Variants in ZNF74 observed in about 807,000 individuals in gnomAD.
ZNF74 encodes the protein zinc finger protein 520.
Under a neutral mutation model 17.7 loss-of-function variants are expected in ZNF74, and 12 were observed. The ratio of observed to expected loss-of-function variants is 0.68; its 90% confidence interval spans 0.43 to 1.10. The LOEUF is 1.10. ZNF74 is among the 50% of genes least tolerant of loss of function. The pLI is 0.00. For synonymous variants in ZNF74, 358 were observed against 362.1 expected (o/e 0.99, Z 0.13); for missense variants, 811 against 881.0 (o/e 0.92, Z 1.01).
At chr22:20,402,160 G>A (rs575807775) in intron 4 of ZNF74, among the ~76,000 whole-genome samples, 16 of 152,274 alleles carry the variant, frequency 1.1e-4, no homozygotes, top group East Asian at 5.8e-4. Context: ...AAAGGCAGCC[G>A]ATAAGCTGTG....
At chr22:20,394,795 T>C in intron 1 of ZNF74, 133 bp downstream of exon 1, 1 of 865,242 alleles carries the variant, frequency 1.2e-6, no homozygotes, top group Non-Finnish European at 1.8e-6. Context: ...TCTCACTCTG[T>C]CACCCAGGCG....
intron 3 of ZNF74, 119 bp downstream of exon 3, chr22:20,400,877 C>A: frequency 1.5e-6 from 2 of 1,300,772 alleles, no homozygotes; most frequent in Non-Finnish European, 1.1e-6. Flanking sequence ...GGGTGGGAAG[C>A]AAGGCCTGTG....
rs565895761 is a variant in ZNF74 at position 20,394,327 on chromosome 22, G to C, written c.-302G>C. 5.9e-5 allele frequency: 41 copies of C among 697,140 alleles called. No homozygotes were observed. The highest frequency in any genetic ancestry group is 2.6e-4 in the Middle Eastern group (1 of 3,874). The allele number at this position is 697,140 out of a possible 1,614,324, so 43.2% of individuals were successfully genotyped here. On this transcript the variant is annotated 5_prime_UTR_variant, in exon 1 of 5. Coordinates refer to ENST00000400451, the MANE Select transcript of ZNF74 (RefSeq NM_003426.4). ...AACCTTAGGCCTGGCCCTGGTCTCCGAGCGCGGGTTCGCCGGGAGGAGCGT... is the reference window on the plus strand; with the variant it reads ...AACCTTAGGCCTGGCCCTGGTCTCCCAGCGCGGGTTCGCCGGGAGGAGCGT...
In ZNF74 at chr22:20,406,753, C is replaced by G; in HGVS notation, c.1720C>G (p.His574Asp). ...CAACTGGAGCTCGCACCTCACTGAG[C>G]ACCAGAGGCTGCACAGCGAGGGGAA... ...MFNWSSHLTEHQRLHSEGKPL... is the reference protein window; with the variant it reads ...MFNWSSHLTEDQRLHSEGKPL... The change falls in exon 5 of 5, where the codon CAC becomes GAC. Residue 574 changes from histidine to aspartate, a missense_variant. His to Asp is a moderately conservative substitution (Grantham distance 81, BLOSUM62 -1). Around this residue, in one of 3 missense-constraint regions of ZNF74, gnomAD observed 115 missense variants for 119.5 expected, o/e 0.96. Transcript: ENST00000400451. 3.1e-6 allele frequency: 5 copies of G among 1,614,154 alleles called. No homozygotes were observed. Among genetic ancestry groups the G allele is most frequent in the Non-Finnish European group, 4.2e-6 (5 of 1,180,036 alleles).
chr22:20,405,760 G>C lies in ZNF74; in HGVS notation c.727G>C (p.Ala243Pro), dbSNP rs1339148485. The part of the protein sequence containing the change: ...PQVRRQRGAG[A>P]GEGEFVCGEC... ...GGTGCGCCGGCAGCGCGGGGCGGGCGCCGGGGAGGGCGAGTTCGTGTGCGG... is the reference window on the plus strand; with the variant it reads ...GGTGCGCCGGCAGCGCGGGGCGGGCCCCGGGGAGGGCGAGTTCGTGTGCGG... The change falls in exon 5 of 5, where the codon GCC becomes CCC. Residue 243 changes from alanine (A) to proline (P), a missense_variant. Ala to Pro is a conservative substitution (Grantham distance 27). Around this residue, in one of 3 missense-constraint regions of ZNF74, gnomAD observed 666 missense variants for 702.3 expected, o/e 0.95. Coordinates refer to ENST00000400451, the MANE Select transcript of ZNF74 (RefSeq NM_003426.4). 2 of 1,605,828 alleles carry C rather than the reference G, an allele frequency of 1.2e-6. No individual in the cohort carries two copies. The highest frequency in any genetic ancestry group is 2.7e-5 in the African/African-American group (2 of 74,834).
At chr22:20,399,553 T>G in intron 2 of ZNF74, 1 of 400,578 alleles carries the variant, frequency 2.5e-6, no homozygotes, top group Non-Finnish European at 4.8e-6. Flanking sequence ...ATTATTAATA[T>G]GGTTGGATTT....
chr22:20,406,107 G>C lies in ZNF74; in HGVS notation c.1074G>C (p.Lys358Asn). The change falls in exon 5 of 5, where the codon AAG (lysine) becomes AAC (asparagine). Residue 358 changes from lysine (K) to asparagine (N), a missense_variant. This residue lies in a region of ZNF74 where 666 missense variants were observed against 702.3 expected (regional missense o/e 0.95). Coordinates refer to ENST00000400451, the MANE Select transcript of ZNF74 (RefSeq NM_003426.4). ...ACCTGCGGGTGCACACCGGCGAGAA[G>C]CCCTACCGGTGCGGCGAGTGCGGCA... is the stretch of plus-strand genomic sequence containing the variant. ...SMHLRVHTGE[K>N]PYRCGECGKA... 1 of 1,613,170 alleles carries C rather than the reference G, an allele frequency of 6.2e-7. No homozygotes were observed.
intron 2 of ZNF74, among the ~76,000 whole-genome samples, chr22:20,397,111 C>G (rs999430149): frequency 1.3e-5 from 2 of 150,160 alleles, no homozygotes; most frequent in African/African-American, 4.9e-5. Context: ...GAGTCTTGCT[C>G]TGTCGCCCAG....
At chr22:20,400,608 G>T (rs764702694) in intron 2 of ZNF74, 24 bp from the exon 3 acceptor site, 1 of 1,614,060 alleles carries the variant, frequency 6.2e-7, no homozygotes, top group East Asian at 2.2e-5. Context: ...TCAGTCCTGG[G>T]TGAGAACCTA....
intron 2 of ZNF74, among the ~76,000 whole-genome samples, chr22:20,396,057 G>C (rs929122633): frequency 5.9e-5 from 9 of 151,942 alleles, no homozygotes; most frequent in Non-Finnish European, 1.0e-4. Context: ...TCCTCATTTT[G>C]TTTTTCTACC....
chr22:20,395,304 G>A, intron 1 of ZNF74, 29 bp from the exon 2 acceptor site: 6 of 1,548,608 alleles, frequency 3.9e-6, no homozygotes, highest in Non-Finnish European at 4.4e-6. Context: ...CCTGGTAGCC[G>A]TGACCTTGAC....
In ZNF74 at chr22:20,405,667, A is replaced by G; in HGVS notation, c.634A>G (p.Lys212Glu). ...CGTCCAGGCCACTGAGGGCAGAACC[A>G]AGGCCCCCGCGAGACTGTGTGCAGG... is the stretch of plus-strand genomic sequence containing the variant. ...KNVQATEGRTKAPARLCAGEN... is the reference protein window; with the variant it reads ...KNVQATEGRTEAPARLCAGEN... The change falls in exon 5 of 5, where the codon AAG (lysine) becomes GAG (glutamate). Residue 212 changes from lysine (K) to glutamate (E), a missense_variant. Lys to Glu is a moderately conservative substitution (Grantham distance 56). Around this residue, in one of 3 missense-constraint regions of ZNF74, gnomAD observed 666 missense variants for 702.3 expected, o/e 0.95. Coordinates refer to ENST00000400451, the MANE Select transcript of ZNF74 (RefSeq NM_003426.4). 1 of 1,611,856 alleles carries G rather than the reference A, an allele frequency of 6.2e-7. No individual in the cohort carries two copies. Among genetic ancestry groups the G allele is most frequent in the South Asian group, 1.1e-5 (1 of 90,838 alleles).
rs1422892037 is a variant in ZNF74 at position 20,401,465 on chromosome 22, G to A, written c.343+93G>A. On this transcript the variant is annotated intron_variant, in intron 4 of 4. Coordinates refer to ENST00000400451, the MANE Select transcript of ZNF74 (RefSeq NM_003426.4). The surrounding 1 kb of genome is among the most constrained non-coding windows in gnomAD (Gnocchi z 4.2). ...CTATTTTCCTCCCTCAGTTTGCCCC[G>A]GCTCCATCTCCCCTTTTCAGGTCCC... The A allele has an allele frequency of 9.7e-6, 8 of 823,854 alleles. No homozygotes were observed. The highest frequency in any genetic ancestry group is 6.5e-5 in the South Asian group (4 of 61,874). The allele number at this position is 823,854 out of a possible 1,614,324, so 51.0% of individuals were successfully genotyped here.
Position 20,405,924 on chromosome 22 carries a change from C to A in ZNF74, c.891C>A (p.Ile297=). The A allele has an allele frequency of 6.2e-7, 1 of 1,613,684 alleles. No homozygotes were observed. Among genetic ancestry groups the A allele is most frequent in the South Asian group, 1.1e-5 (1 of 91,066 alleles). Residue 297 remains isoleucine (I), a synonymous_variant, in exon 5 of 5, where the codon ATC becomes ATA. Coordinates refer to ENST00000400451, the MANE Select transcript of ZNF74 (RefSeq NM_003426.4). ...WSTNLLEHRR[I]HTGEKPFFCG... ...CCAACCTTCTGGAGCACCGGCGCAT[C>A]CACACCGGCGAGAAGCCCTTCTTCT... is the stretch of plus-strand genomic sequence containing the variant.
At chr22:20,404,249 T>C (rs570615088) in intron 4 of ZNF74, among the ~76,000 whole-genome samples, 1 of 152,326 alleles carries the variant, frequency 6.6e-6, no homozygotes, top group Admixed American at 6.5e-5. Flanking sequence ...AACCTCCCCC[T>C]TTGACAGAGG....
At chr22:20,395,484 T>C in intron 2 of ZNF74, 66 bp downstream of exon 2, 4 of 1,304,870 alleles carry the variant, frequency 3.1e-6, no homozygotes, top group Non-Finnish European at 3.3e-6. Flanking sequence ...CAGCCCTGGA[T>C]CGTCAGCCTT....
At chr22:20,400,555 T>A (rs1267717643) in intron 2 of ZNF74, 77 bp from the exon 3 acceptor site, 1 of 1,581,150 alleles carries the variant, frequency 6.3e-7, no homozygotes, top group Non-Finnish European at 8.7e-7. Context: ...ACTTGTAGGG[T>A]CCTTAATCAA....
chr22:20,402,056 T>G (rs2052364699), intron 4 of ZNF74, among the ~76,000 whole-genome samples: 1 of 152,210 alleles, frequency 6.6e-6, no homozygotes, highest in Non-Finnish European at 1.5e-5. Flanking sequence ...CTGAGTTGGT[T>G]GATAAATAAG....
intron 2 of ZNF74, among the ~76,000 whole-genome samples, chr22:20,398,436 G>T (rs905352107): frequency 4.0e-5 from 6 of 151,690 alleles, no homozygotes; most frequent in African/African-American, 4.9e-5. Context: ...AAACTGCTCC[G>T]CAGTTTGCTT....
Sources: allele counts gnomAD v4.1 joint callset (sites outside exome capture counted in the v4.1 genomes callset), GRCh38; gene constraint gnomAD v4.1.1; regional missense constraint gnomAD v4.1.1; non-coding constraint Gnocchi (gnomAD v3.1); transcripts MANE v1.5; gene names NCBI Gene and HGNC (gene_info 2026-07-23, HGNC 2026-07-21).